The following NDUFAF5 variants were observed in gnomAD, a reference collection of about 807,000 sequenced individuals.
The protein encoded by NDUFAF5 is NADH:ubiquinone oxidoreductase complex assembly factor 5.
NDUFAF5 carries 34 observed loss-of-function variants against 48.9 expected under a neutral mutation model. The observed-to-expected ratio is 0.70, with a 90% CI of 0.53 to 0.93. The LOEUF is 0.93. Among genes scored for constraint, NDUFAF5 ranks in the 40% least tolerant of loss-of-function variants. The pLI is 0.00. For synonymous variants in NDUFAF5, 153 were observed against 150.6 expected, an observed-to-expected ratio of 1.02 and a Z score of -0.12; for missense variants, 428 against 427.5, an observed-to-expected ratio of 1.00 and a Z score of -0.01.
intron 5 of NDUFAF5, among the ~76,000 whole-genome samples, chr20:13,795,674 C>A (rs1315529408): frequency 1.3e-5 from 2 of 152,110 alleles, no homozygotes; most frequent in Non-Finnish European, 2.9e-5. Flanking sequence ...AAAAAATTAG[C>A]TGGGCAAGGT....
In NDUFAF5 at chr20:13,819,040, AAATT is replaced by A. The variant is rs1986800674; in HGVS notation, c.*1833_*1836del. The A allele has an allele frequency of 6.6e-6, 1 of 152,232 alleles. No individual in the cohort carries two copies. 9.4% of individuals were successfully genotyped at this position (152,232 alleles called of 1,614,324 possible). On this transcript the variant is annotated 3_prime_UTR_variant, in exon 11 of 11. Transcript: ENST00000378106. ...CAAAAAAAGCTCCATTTGTTTAAAAAAATTAAGTAAATCAAACACAGCTAATTGA... is the reference window on the plus strand; with the variant it reads ...CAAAAAAAGCTCCATTTGTTTAAAAAAAGTAAATCAAACACAGCTAATTGA...
intron 8 of NDUFAF5, among the ~76,000 whole-genome samples, chr20:13,810,511 T>C (rs1055428526): frequency 6.6e-6 from 1 of 152,102 alleles, no homozygotes; most frequent in Middle Eastern, 3.4e-3. Context: ...ATAGCAGATA[T>C]GTGCTGTTCT....
At position 13,791,500 on chromosome 20, in the gene NDUFAF5, T is replaced by C. The variant is rs116193822; in HGVS notation, c.328-1680T>C. 5.0e-3 allele frequency among the ~76,000 whole-genome samples: 759 copies of C among 152,234 alleles called. 8 individuals are homozygous for C. The highest frequency in any genetic ancestry group is 0.018 in the African/African-American group (733 of 41,540). On this transcript the variant is annotated intron_variant, in intron 3 of 10. Coordinates refer to ENST00000378106, the MANE Select transcript of NDUFAF5 (RefSeq NM_024120.5). ...AGGTAAACTCTCTGAGGCAAGAATATAGAAAAGAACCTTCTGCAATTGTAC... is the reference window on the plus strand; with the variant it reads ...AGGTAAACTCTCTGAGGCAAGAATACAGAAAAGAACCTTCTGCAATTGTAC...
intron 8 of NDUFAF5, among the ~76,000 whole-genome samples, chr20:13,811,728 G>GAA (rs1250485696): frequency 6.6e-6 from 1 of 152,198 alleles, no homozygotes; most frequent in Non-Finnish European, 1.5e-5. Context: ...TTACTTGAAA[G>GAA]GGATGCTGGA....
intron 7 of NDUFAF5, among the ~76,000 whole-genome samples, chr20:13,805,692 A>G (rs1452680727): frequency 6.6e-6 from 1 of 152,100 alleles, no homozygotes; most frequent in Non-Finnish European, 1.5e-5. Context: ...TAATCTCAGC[A>G]CTTTGGGAGG....
At chr20:13,788,673 A>C in intron 3 of NDUFAF5, 21 bp downstream of exon 3, 2 of 1,521,922 alleles carry the variant, frequency 1.3e-6, no homozygotes, top group East Asian at 4.5e-5. Flanking sequence ...TCAATGACCT[A>C]ATTTACTTTG....
At chr20:13,796,457 A>G (rs944546102) in intron 5 of NDUFAF5, among the ~76,000 whole-genome samples, 8 of 152,218 alleles carry the variant, frequency 5.3e-5, no homozygotes, top group African/African-American at 9.6e-5. Context: ...TAGAGTTTAT[A>G]GTATGAGCTC....
At chr20:13,802,891 T>G (rs1387981630) in intron 7 of NDUFAF5, among the ~76,000 whole-genome samples, 1 of 152,118 alleles carries the variant, frequency 6.6e-6, no homozygotes, top group Non-Finnish European at 1.5e-5. Flanking sequence ...CTAACAGTCT[T>G]TCTAAAGGAT....
chr20:13,792,840 A>C (rs1048665360), intron 3 of NDUFAF5, among the ~76,000 whole-genome samples: 4 of 152,166 alleles, frequency 2.6e-5, no homozygotes, highest in African/African-American at 9.7e-5. Flanking sequence ...ATGAACAACT[A>C]AAAGGCGGGA....
rs533897365 is a variant in NDUFAF5 at position 13,798,631 on chromosome 20, C to G, written c.519+131C>G. ...TTGGGAAAGAAATCGGTGAAATCAT[C>G]TGGTGCCATTTGGCATATTAGTAGT... On this transcript the variant is annotated intron_variant, in intron 6 of 10. Transcript: ENST00000378106. 5.2e-6 allele frequency: 4 copies of G among 763,612 alleles called. No individual in the cohort carries two copies. In the East Asian group the frequency reaches 1.1e-4, roughly 20 times the overall value. The allele number at this position is 763,612 out of a possible 1,614,324, so 47.3% of individuals were successfully genotyped here. A position where few individuals can be genotyped will look rare whatever the true frequency, so the allele number is the denominator to read the frequency against.
chr20:13,795,449 A>T (rs962402221), intron 5 of NDUFAF5, among the ~76,000 whole-genome samples: 1 of 152,180 alleles, frequency 6.6e-6, no homozygotes, highest in Admixed American at 6.5e-5. Context: ...CCCAACAATC[A>T]TAACTCATTC....
Position 13,820,751 on chromosome 20 carries a change from A to C in NDUFAF5, c.*3541A>C, listed in dbSNP as rs1026033197. 6.6e-6 allele frequency: 1 copy of C among 152,202 alleles called. No individual in the cohort carries two copies. Among genetic ancestry groups the C allele is most frequent in the African/African-American group, 2.4e-5 (1 of 41,462 alleles). 9.4% of individuals were successfully genotyped at this position (152,202 alleles called of 1,614,324 possible). ...TTATGTATTCCTTAAGTAGGAGTGG[A>C]ATAAAAGTATTTTACCGTGGATTGG... On this transcript the variant is annotated 3_prime_UTR_variant, in exon 11 of 11. Coordinates refer to ENST00000378106, the MANE Select transcript of NDUFAF5 (RefSeq NM_024120.5).
chr20:13,804,712 A>G (rs1377844102), intron 7 of NDUFAF5, among the ~76,000 whole-genome samples: 1 of 152,196 alleles, frequency 6.6e-6, no homozygotes, highest in Non-Finnish European at 1.5e-5. Context: ...TCATTTATGT[A>G]TTCAGTCTTG....
At chr20:13,801,778 C>G (rs1362069685) in intron 7 of NDUFAF5, 95 bp downstream of exon 7, 2 of 1,053,612 alleles carry the variant, frequency 1.9e-6, no homozygotes, top group African/African-American at 1.6e-5. Flanking sequence ...TTCATGGTTT[C>G]ATGGCACTCT....
chr20:13,793,648 G>T (rs1035340777), intron 4 of NDUFAF5, among the ~76,000 whole-genome samples: 1 of 152,202 alleles, frequency 6.6e-6, no homozygotes, highest in East Asian at 1.9e-4. Flanking sequence ...CTATTGAAGG[G>T]CAGTTACGTT....
At chr20:13,797,108 T>G (rs1357849446) in intron 5 of NDUFAF5, among the ~76,000 whole-genome samples, 1 of 152,214 alleles carries the variant, frequency 6.6e-6, no homozygotes, top group African/African-American at 2.4e-5. Context: ...CTGACAACAC[T>G]AAATGCGACA....
chr20:13,806,200 A>C (rs1984979950), intron 7 of NDUFAF5, among the ~76,000 whole-genome samples: 1 of 152,160 alleles, frequency 6.6e-6, no homozygotes, highest in South Asian at 2.1e-4. Flanking sequence ...GAACTACCAG[A>C]CTAGTACTTT....
Position 13,816,521 on chromosome 20 carries a change from G to A in NDUFAF5, c.837G>A (p.Met279Ile). 1 of 1,614,084 alleles carries A rather than the reference G, an allele frequency of 6.2e-7. No homozygotes were observed. The highest frequency in any genetic ancestry group is 1.1e-5 in the South Asian group (1 of 91,080). ...AAGCCCTGCTGCATCGAGACACAAT[G>A]CTGGCAGCTGCGGCAGTGTACAGAG... ...NRKALLHRDTMLAAAAVYREM... is the reference protein window; with the variant it reads ...NRKALLHRDTILAAAAVYREM... Residue 279 changes from methionine (M) to isoleucine (I), a missense_variant, in exon 9 of 11, where the codon ATG becomes ATA. Physicochemically the swap from Met to Ile is conservative, Grantham distance 10. Transcript: ENST00000378106.
rs768226843 is a variant in NDUFAF5 at position 13,788,648 on chromosome 20, A to G, written c.323A>G (p.Asn108Ser). The G allele has an allele frequency of 1.9e-6, 3 of 1,602,334 alleles. No homozygotes were observed. The highest frequency in any genetic ancestry group is 4.5e-5 in the East Asian group (2 of 44,738). The stretch of plus-strand genomic sequence containing the variant: ...AGAGGTTACATTGCACAATATTTGA[A>G]TAAGGTATATTTATTCAATGACCTA... ...CGRGYIAQYL[N>S]KETIGKFFQA... The change falls in exon 3 of 11, where the codon AAT (asparagine) becomes AGT (serine). Residue 108 changes from asparagine (N) to serine (S), a missense_variant. Asn to Ser is a conservative substitution (Grantham distance 46). Transcript: ENST00000378106.
Sources: gnomAD v4.1 joint callset for allele counts (sites outside exome capture counted in the v4.1 genomes callset) on GRCh38, gnomAD v4.1.1 for gene constraint, MANE v1.5 for transcripts, NCBI Gene and HGNC (gene_info 2026-07-23, HGNC 2026-07-21) for gene names.